AKAP19: variants seen among roughly 807,000 people sequenced by gnomAD.
AKAP19 encodes the protein A-kinase anchoring protein 19.
At chr2:190,088,889 C>T in the AKAP19 span, among the ~76,000 whole-genome samples, 1 of 152,204 alleles carries the variant, frequency 6.6e-6, no homozygotes, top group Non-Finnish European at 1.5e-5. Flanking sequence ...GGCCAAAGGC[C>T]TGTTTCATCA....
the AKAP19 span, among the ~76,000 whole-genome samples, chr2:189,962,405 T>A: frequency 1.3e-5 from 2 of 152,204 alleles, no homozygotes; most frequent in East Asian, 3.8e-4. Flanking sequence ...TGGCTATATA[T>A]GAATATGTTA....
the AKAP19 span, among the ~76,000 whole-genome samples, chr2:189,917,972 A>T: frequency 2.0e-5 from 3 of 151,876 alleles, no homozygotes; most frequent in Non-Finnish European, 4.4e-5. Flanking sequence ...CTCTTTGTAT[A>T]GTTTTTTAGA....
At chr2:190,080,866 G>A in the AKAP19 span, among the ~76,000 whole-genome samples, 1 of 152,134 alleles carries the variant, frequency 6.6e-6, no homozygotes, top group South Asian at 2.1e-4. Flanking sequence ...TTGAAGCACT[G>A]AGATGTAAGT....
the AKAP19 span, among the ~76,000 whole-genome samples, chr2:189,995,850 A>T: frequency 1.3e-5 from 2 of 152,058 alleles, no homozygotes; most frequent in African/African-American, 2.4e-5. Context: ...ACCTTCATTT[A>T]TGAAGCTTAG....
the AKAP19 span, among the ~76,000 whole-genome samples, chr2:189,986,795 A>G: frequency 6.6e-6 from 1 of 152,150 alleles, no homozygotes; most frequent in African/African-American, 2.4e-5. Flanking sequence ...AGCATGAGAT[A>G]AGACTATGGC....
chr2:190,130,358 G>A, the AKAP19 span, among the ~76,000 whole-genome samples: 8 of 152,156 alleles, frequency 5.3e-5, no homozygotes, highest in Non-Finnish European at 8.8e-5. Context: ...AAATAAGGAG[G>A]AAGACACATT....
the AKAP19 span, among the ~76,000 whole-genome samples, chr2:190,148,473 T>C: frequency 6.6e-6 from 1 of 152,206 alleles, no homozygotes; most frequent in Non-Finnish European, 1.5e-5. Context: ...TTTTCTTTTT[T>C]GGTTATGTCC....
chr2:190,154,441 C>T, the AKAP19 span, among the ~76,000 whole-genome samples: 9 of 152,320 alleles, frequency 5.9e-5, no homozygotes, highest in East Asian at 1.3e-3. Flanking sequence ...CAAGTAATTG[C>T]TAAGCTGTTT....
At chr2:190,084,774 C>T in the AKAP19 span, among the ~76,000 whole-genome samples, 1 of 152,138 alleles carries the variant, frequency 6.6e-6, no homozygotes, top group East Asian at 1.9e-4. Context: ...TATTTTCTTG[C>T]TAAATGGACT....
chr2:189,969,454 C>G, the AKAP19 span, among the ~76,000 whole-genome samples: 1 of 151,936 alleles, frequency 6.6e-6, no homozygotes, highest in Admixed American at 6.6e-5. Flanking sequence ...TAAGACACAC[C>G]CACTCTACCA....
At chr2:189,908,873 T>A in the AKAP19 span, among the ~76,000 whole-genome samples, 1 of 152,202 alleles carries the variant, frequency 6.6e-6, no homozygotes, top group Non-Finnish European at 1.5e-5. Context: ...TTAGGTCCAC[T>A]TGGTCTACAG....
chr2:190,023,770 G>T, the AKAP19 span, among the ~76,000 whole-genome samples: 1 of 143,268 alleles, frequency 7.0e-6, no homozygotes, highest in Non-Finnish European at 1.5e-5. Context: ...TATCATATTT[G>T]CTATTCTGTA....
chr2:190,057,756 T>C, the AKAP19 span: 2 of 1,045,350 alleles, frequency 1.9e-6, no homozygotes, highest in Non-Finnish European at 2.9e-6. Context: ...ACCACATTTA[T>C]TTTTAAAAGG....
the AKAP19 span, among the ~76,000 whole-genome samples, chr2:190,040,914 G>A: frequency 6.6e-6 from 1 of 152,078 alleles, no homozygotes; most frequent in African/African-American, 2.4e-5. Flanking sequence ...TGCTGTTTTG[G>A]TTACTGTAGC....
At chr2:189,973,713 A>T in the AKAP19 span, among the ~76,000 whole-genome samples, 5 of 151,928 alleles carry the variant, frequency 3.3e-5, no homozygotes, top group African/African-American at 1.2e-4. Context: ...TAGTCTTGGG[A>T]GGTTGTATGT....
At chr2:189,898,351 C>T in the AKAP19 span, among the ~76,000 whole-genome samples, 3 of 152,110 alleles carry the variant, frequency 2.0e-5, no homozygotes, top group Admixed American at 2.0e-4. Flanking sequence ...CTAGGCATTG[C>T]CTGAATTTTA....
At chr2:189,998,376 C>A in the AKAP19 span, among the ~76,000 whole-genome samples, 1 of 152,110 alleles carries the variant, frequency 6.6e-6, no homozygotes, top group African/African-American at 2.4e-5. Context: ...ACTAGTGCAG[C>A]CATCTGGGCC....
the AKAP19 span, among the ~76,000 whole-genome samples, chr2:190,071,601 T>C: frequency 2.5e-3 from 388 of 152,310 alleles, 2 homozygotes; most frequent in South Asian, 0.011. Flanking sequence ...ATGATGTTCA[T>C]ACAACAATGA....
the AKAP19 span, among the ~76,000 whole-genome samples, chr2:190,018,119 A>G: frequency 1.3e-5 from 2 of 152,020 alleles, no homozygotes; most frequent in African/African-American, 4.8e-5. Context: ...CTTATGTGTC[A>G]TGGTGAACTC....
Sources: gnomAD v4.1 joint callset for allele counts (sites outside exome capture counted in the v4.1 genomes callset) on GRCh38, gnomAD v4.1.1 for gene constraint, MANE v1.5 for transcripts, NCBI Gene and HGNC (gene_info 2026-07-23, HGNC 2026-07-21) for gene names.